The following GEMIN6 variants were observed in gnomAD, a reference collection of about 807,000 sequenced individuals.
The protein encoded by GEMIN6 is gem nuclear organelle associated protein 6.
In GEMIN6, 13 loss-of-function variants were observed where a neutral mutation model predicts 14.1. That is an observed-to-expected ratio of 0.92 (90% CI 0.60 to 1.46). The LOEUF (loss-of-function observed/expected upper bound fraction) is 1.46. Ranked by LOEUF, GEMIN6 falls within the 40% of genes most tolerant of loss-of-function variation. The pLI is 0.00. For missense variants in GEMIN6, 271 were observed against 202.4 expected (o/e 1.34, Z -2.06); for synonymous variants, 87 against 70.0 (o/e 1.24, Z -1.21).
intron 2 of GEMIN6, among the ~76,000 whole-genome samples, chr2:38,780,544 T>A (rs747620031): frequency 6.6e-6 from 1 of 151,590 alleles, no homozygotes; most frequent in Non-Finnish European, 1.5e-5. Context: ...TTCACCATGT[T>A]AGCCAGGACG....
intron 2 of GEMIN6, 182 bp downstream of exon 2, chr2:38,779,300 G>A (rs766282637): frequency 6.4e-6 from 4 of 627,602 alleles, no homozygotes; most frequent in African/African-American, 1.9e-5. Context: ...GCGAGATCTC[G>A]GCTCTTTGTA....
At chr2:38,779,213 A>G (rs758246012) in intron 2 of GEMIN6, 95 bp downstream of exon 2, 1 of 1,259,066 alleles carries the variant, frequency 7.9e-7, no homozygotes, top group Admixed American at 2.3e-5. Context: ...TGAAAAGCTA[A>G]TTATTAATAT....
chr2:38,780,369 A>T (rs1331127249), intron 2 of GEMIN6, among the ~76,000 whole-genome samples: 2 of 151,850 alleles, frequency 1.3e-5, no homozygotes, highest in Non-Finnish European at 2.9e-5. Flanking sequence ...GTAACCACAA[A>T]AACTTTTTTT....
rs1669108632 is a variant in GEMIN6 at position 38,782,258 on chromosome 2, C to T, written c.*366C>T. 5 of 170,170 alleles carry T rather than the reference C, an allele frequency of 2.9e-5. No homozygotes were observed. Among genetic ancestry groups the T allele is most frequent in the Admixed American group, 6.0e-5 (1 of 16,740 alleles). 10.5% of individuals were successfully genotyped at this position (170,170 alleles called of 1,614,324 possible). A position where few individuals can be genotyped will look rare whatever the true frequency, so the allele number is the denominator to read the frequency against. ...TCCCAGGTTCAACCGATTCCCCTGC[C>T]TCAGCCTCTCGAGTAGCTGGGACTA... is the stretch of plus-strand genomic sequence containing the variant. On this transcript the variant is annotated 3_prime_UTR_variant, in exon 3 of 3. Transcript: ENST00000281950.
intron 2 of GEMIN6, among the ~76,000 whole-genome samples, chr2:38,780,246 G>A (rs1669049337): frequency 6.6e-6 from 1 of 151,426 alleles, no homozygotes. Flanking sequence ...CGTGAAGCTG[G>A]GAGGCAGAGC....
In GEMIN6 at chr2:38,779,004, T is replaced by C. The variant is rs775003461; in HGVS notation, c.14T>C (p.Met5Thr). The C allele has an allele frequency of 3.1e-6, 5 of 1,611,806 alleles. No homozygotes were observed. Among genetic ancestry groups the C allele is most frequent in the Non-Finnish European group, 4.2e-6 (5 of 1,179,228 alleles). The change falls in exon 2 of 3, where the codon ATG (methionine) becomes ACG (threonine). Residue 5 changes from methionine to threonine, a missense_variant. Physicochemically the swap from Met to Thr is moderately conservative, Grantham distance 81. Coordinates refer to ENST00000281950, the MANE Select transcript of GEMIN6 (RefSeq NM_024775.10). ...CAGGTGGCAATCATGAGTGAATGGA[T>C]GAAGAAAGGCCCCTTAGAATGGCAA... is the stretch of plus-strand genomic sequence containing the variant. MSEWMKKGPLEWQDY... is the reference protein window; with the variant it reads MSEWTKKGPLEWQDY...
intron 2 of GEMIN6, among the ~76,000 whole-genome samples, chr2:38,781,010 T>A (rs1187670840): frequency 1.5e-5 from 2 of 137,266 alleles, no homozygotes; most frequent in Non-Finnish European, 3.1e-5. Flanking sequence ...AGAGTCTTGC[T>A]CAGGCTGGAG....
At chr2:38,780,368 A>G (rs1669052621) in intron 2 of GEMIN6, among the ~76,000 whole-genome samples, 2 of 151,904 alleles carry the variant, frequency 1.3e-5, no homozygotes, top group South Asian at 4.1e-4. Flanking sequence ...TGTAACCACA[A>G]AAACTTTTTT....
At position 38,779,059 on chromosome 2, in the gene GEMIN6, AG is replaced by A; in HGVS notation, c.70del (p.Ala24ProfsTer12). Reference protein sequence around the residue: ...DYIYKEVRVTASEKNEYKGWV... With the variant: ...DYIYKEVRVTXSEKNEYKGWV... ...ACATTTACAAAGAGGTCCGAGTGAC[AG>A]CCAGTGAGAAGAATGAGTATAAAGG... On this transcript the variant is annotated frameshift_variant, in exon 2 of 3. Coordinates refer to ENST00000281950, the MANE Select transcript of GEMIN6 (RefSeq NM_024775.10). LOFTEE classifies it high-confidence loss of function. 1 of 1,613,956 alleles carries A rather than the reference AG, an allele frequency of 6.2e-7. No individual in the cohort carries two copies. Among genetic ancestry groups the A allele is most frequent in the South Asian group, 1.1e-5 (1 of 91,062 alleles).
chr2:38,780,738 C>T (rs1669061526), intron 2 of GEMIN6, among the ~76,000 whole-genome samples: 1 of 151,484 alleles, frequency 6.6e-6, no homozygotes, highest in South Asian at 2.1e-4. Flanking sequence ...AAGTGATTCT[C>T]CTGCCTCAGC....
At position 38,781,873 on chromosome 2, in the gene GEMIN6, A is replaced by G; in HGVS notation, c.485A>G (p.His162Arg). 5.6e-6 allele frequency: 9 copies of G among 1,605,368 alleles called. No homozygotes were observed. The highest frequency in any genetic ancestry group is 7.7e-6 in the Non-Finnish European group (9 of 1,174,514). Residue 162 changes from histidine (H) to arginine (R), a missense_variant, in exon 3 of 3, where the codon CAT becomes CGT. Coordinates refer to ENST00000281950, the MANE Select transcript of GEMIN6 (RefSeq NM_024775.10). Reference protein sequence around the residue: ...LSRVQDLIEGHLTASQ With the variant: ...LSRVQDLIEGRLTASQ ...CGTGTTCAGGATCTTATTGAAGGAC[A>G]TCTTACAGCTTCCCAATGAGAGGCC...
At position 38,781,536 on chromosome 2, in the gene GEMIN6, C is replaced by T; in HGVS notation, c.148C>T (p.Leu50Phe). The T allele has an allele frequency of 6.2e-7, 1 of 1,612,550 alleles. No individual in the cohort carries two copies. Among genetic ancestry groups the T allele is most frequent in the Non-Finnish European group, 8.5e-7 (1 of 1,179,204 alleles). The change falls in exon 3 of 3, where the codon CTT becomes TTT. Residue 50 changes from leucine (L) to phenylalanine (F), a missense_variant. Physicochemically the swap from Leu to Phe is conservative, Grantham distance 22 (BLOSUM62 0). Coordinates refer to ENST00000281950, the MANE Select transcript of GEMIN6 (RefSeq NM_024775.10). Reference protein sequence around the residue: ...VSANIVLVNFLEDGSMSVTGI... With the variant: ...VSANIVLVNFFEDGSMSVTGI... ...CCAAAGTATTGTCCTTGTGAACTTC[C>T]TTGAAGATGGCAGCATGTCTGTGAC...
intron 1 of GEMIN6, among the ~76,000 whole-genome samples, chr2:38,778,670 G>T (rs1256209731): frequency 2.0e-5 from 3 of 152,142 alleles, no homozygotes; most frequent in Non-Finnish European, 4.4e-5. Flanking sequence ...TGTGCCAGAT[G>T]AATTTCCTCA....
chr2:38,782,973 A>G lies in GEMIN6; in HGVS notation c.*1081A>G, dbSNP rs1414732956. 2 of 151,484 alleles carry G rather than the reference A, an allele frequency of 1.3e-5. No individual in the cohort carries two copies. Among genetic ancestry groups the G allele is most frequent in the Admixed American group, 6.6e-5 (1 of 15,162 alleles). 9.4% of individuals were successfully genotyped at this position (151,484 alleles called of 1,614,324 possible). ...AACCTCTGCCTCCCAGGTTCAAGCA[A>G]TTCTCCTGCCTCAGCCTCCTGAGTA... is the stretch of plus-strand genomic sequence containing the variant. On this transcript the variant is annotated 3_prime_UTR_variant, in exon 3 of 3. Coordinates refer to ENST00000281950, the MANE Select transcript of GEMIN6 (RefSeq NM_024775.10).
rs779197699 is a variant in GEMIN6, at chr2:38,781,741, C to G, written c.353C>G (p.Thr118Ser). The change falls in exon 3 of 3, where the codon ACT (threonine) becomes AGT (serine). Residue 118 changes from threonine to serine, a missense_variant. By Grantham distance (58) the Thr-to-Ser change is moderately conservative (BLOSUM62 1). Transcript: ENST00000281950. ...KWLEKNHIPITEQGDAPRTLC... is the reference protein window; with the variant it reads ...KWLEKNHIPISEQGDAPRTLC... The stretch of plus-strand genomic sequence containing the variant: ...CTTGAGAAGAACCACATCCCCATCA[C>G]TGAACAGGGAGACGCTCCAAGGACT... The G allele has an allele frequency of 3.1e-6, 5 of 1,614,160 alleles. No individual in the cohort carries two copies. The highest frequency in any genetic ancestry group is 2.2e-5 in the South Asian group (2 of 91,078).
intron 2 of GEMIN6, 32 bp from the exon 3 acceptor site, chr2:38,781,485 A>T (rs781752059): frequency 6.4e-7 from 1 of 1,565,616 alleles, no homozygotes; most frequent in African/African-American, 1.4e-5. Context: ...ACTTGGGTTG[A>T]TGATGCCTCT....
intron 2 of GEMIN6, among the ~76,000 whole-genome samples, chr2:38,780,823 T>C (rs1392207407): frequency 6.6e-6 from 1 of 152,000 alleles, no homozygotes; most frequent in Non-Finnish European, 1.5e-5. Flanking sequence ...GAGATGGGGT[T>C]TCACCATGTT....
intron 1 of GEMIN6, 32 bp from the exon 2 acceptor site, chr2:38,778,940 C>A: frequency 1.3e-6 from 2 of 1,561,664 alleles, no homozygotes; most frequent in Non-Finnish European, 1.7e-6. Context: ...TTACGTGGAA[C>A]ATATATTAAC....
Position 38,783,184 on chromosome 2 carries a change from TTTTG to T in GEMIN6, c.*1308_*1311del, listed in dbSNP as rs375290983. Reference sequence around the variant, plus strand: ...CGTGCCCGGCTGTTTTTTGTGGGTTTTTTGTTTGTTTGTTTGTTTTTGAGACAGA... The same window carrying T: ...CGTGCCCGGCTGTTTTTTGTGGGTTTTTTGTTTGTTTGTTTTTGAGACAGA... On this transcript the variant is annotated 3_prime_UTR_variant, in exon 3 of 3. Transcript: ENST00000281950. 8.8e-3 allele frequency: 1,375 copies of T among 156,332 alleles called. 15 individuals are homozygous for T. The highest frequency in any genetic ancestry group is 0.029 in the African/African-American group (1,185 of 41,276). The allele number at this position is 156,332 out of a possible 1,614,324, so 9.7% of individuals were successfully genotyped here. A position where few individuals can be genotyped will look rare whatever the true frequency, so the allele number is the denominator to read the frequency against.
Sources: allele counts gnomAD v4.1 joint callset (sites outside exome capture counted in the v4.1 genomes callset), GRCh38; gene constraint gnomAD v4.1.1; transcripts MANE v1.5; gene names NCBI Gene and HGNC (gene_info 2026-07-23, HGNC 2026-07-21).